ATG7: variants seen among roughly 807,000 people sequenced by gnomAD.
The protein encoded by ATG7 is ubiquitin-like modifier-activating enzyme ATG7.
Under a neutral mutation model 82.4 loss-of-function variants are expected in ATG7, and 70 were observed. That is an observed-to-expected ratio of 0.85 (90% confidence interval 0.70 to 1.04). ATG7 has a LOEUF of 1.04. Ranked by LOEUF, ATG7 falls within the 50% of genes least tolerant of loss-of-function variation. ATG7 has a pLI of 0.00. For missense variants in ATG7, 792 were observed against 864.3 expected, an observed-to-expected ratio of 0.92 and a Z score of 1.05; for synonymous variants, 287 against 313.0, an observed-to-expected ratio of 0.92 and a Z score of 0.88.
chr3:11,488,127 T>A lies in ATG7; in HGVS notation c.2079+61201T>A, dbSNP rs1481431068. 8.6e-3 allele frequency among the ~76,000 whole-genome samples: 263 copies of A among 30,408 alleles called. 4 individuals are homozygous for A. Among genetic ancestry groups the A allele is most frequent in the Non-Finnish European group, 0.014 (200 of 14,048 alleles). 19.9% of individuals were successfully genotyped at this position (30,408 alleles called of 152,430 possible). Reference sequence around the variant, plus strand: ...GGCGCTCCTCACTTCCTAGATGGGATGGCGGCCGGGCGGAGACGCTCCTCA... The same window carrying A: ...GGCGCTCCTCACTTCCTAGATGGGAAGGCGGCCGGGCGGAGACGCTCCTCA... On this transcript the variant is annotated intron_variant, in intron 20 of 20. Transcript: ENST00000693202.
chr3:11,307,143 G>A, intron 6 of ATG7, 83 bp downstream of exon 6: 1 of 1,301,234 alleles, frequency 7.7e-7, no homozygotes, highest in Non-Finnish European at 1.1e-6. Flanking sequence ...ACATGGGTCT[G>A]CTGCAGAAAC....
intron 14 of ATG7, among the ~76,000 whole-genome samples, chr3:11,353,068 A>G (rs1198516879): frequency 6.6e-6 from 1 of 152,256 alleles, no homozygotes; most frequent in Non-Finnish European, 1.5e-5. Flanking sequence ...AGTTATTGCA[A>G]GATTCTAATC....
chr3:11,482,091 T>C (rs1244945244), intron 20 of ATG7, among the ~76,000 whole-genome samples: 5 of 152,174 alleles, frequency 3.3e-5, no homozygotes, highest in African/African-American at 9.7e-5. Flanking sequence ...CTCTTCTCTC[T>C]CTCCTGATGC....
chr3:11,539,100 T>C (rs1160102552), intron 20 of ATG7, among the ~76,000 whole-genome samples: 1 of 151,274 alleles, frequency 6.6e-6, no homozygotes. Context: ...AACTGAGATT[T>C]TTTTTTTTCA....
At chr3:11,543,959 T>C (rs1331802289) in intron 20 of ATG7, among the ~76,000 whole-genome samples, 1 of 152,140 alleles carries the variant, frequency 6.6e-6, no homozygotes, top group Non-Finnish European at 1.5e-5. Flanking sequence ...CCCAAGTCCC[T>C]ACAGGGCATG....
chr3:11,328,435 A>G (rs768176399), intron 9 of ATG7, among the ~76,000 whole-genome samples: 1 of 152,180 alleles, frequency 6.6e-6, no homozygotes, highest in African/African-American at 2.4e-5. Flanking sequence ...AAGGATGACC[A>G]TATCTATGAA....
At chr3:11,389,089 A>G (rs2078558561) in intron 19 of ATG7, among the ~76,000 whole-genome samples, 1 of 151,948 alleles carries the variant, frequency 6.6e-6, no homozygotes, top group Non-Finnish European at 1.5e-5. Flanking sequence ...CTCTACTAAA[A>G]ATACAAAAAT....
chr3:11,309,059 G>T lies in ATG7; in HGVS notation c.409G>T (p.Ala137Ser). ...LLNKFLLLTF[A>S]DLKKYHFYYW... Reference sequence around the variant, plus strand: ...CAACAAGTTCCTCCTCTTGACATTTGCAGTAAGTAAATGGGCTCTCGGTTG... The same window carrying T: ...CAACAAGTTCCTCCTCTTGACATTTTCAGTAAGTAAATGGGCTCTCGGTTG... The change falls in exon 7 of 21, where the codon GCA becomes TCA. Residue 137 changes from alanine to serine, a missense_variant and splice_region_variant. Ala to Ser is a moderately conservative substitution (Grantham distance 99). Transcript: ENST00000693202. The T allele has an allele frequency of 6.2e-7, 1 of 1,612,774 alleles. No individual in the cohort carries two copies. Among genetic ancestry groups the T allele is most frequent in the Non-Finnish European group, 8.5e-7 (1 of 1,178,716 alleles).
the ATG7 span, among the ~76,000 whole-genome samples, chr3:11,573,248 A>C: frequency 1.9e-3 from 11 of 5,716 alleles, no homozygotes; most frequent in South Asian, 5.6e-3. Context: ...AGAAATAGAG[A>C]AAGAAAGAAA....
At chr3:11,393,481 A>T (rs2078978081) in intron 19 of ATG7, among the ~76,000 whole-genome samples, 1 of 152,186 alleles carries the variant, frequency 6.6e-6, no homozygotes, top group African/African-American at 2.4e-5. Flanking sequence ...AGAAATATTT[A>T]AAAATAAATT....
At chr3:11,507,208 G>A (rs1002332632) in intron 20 of ATG7, among the ~76,000 whole-genome samples, 3 of 152,150 alleles carry the variant, frequency 2.0e-5, no homozygotes, top group African/African-American at 7.2e-5. Context: ...CTTGAACCCA[G>A]GAGGCGGAAG....
chr3:11,559,772 G>A, downstream of ATG7, among the ~76,000 whole-genome samples: 1 of 152,186 alleles, frequency 6.6e-6, no homozygotes, highest in African/African-American at 2.4e-5. Flanking sequence ...ATCCTGTGGA[G>A]GACAGAGGGT....
intron 19 of ATG7, among the ~76,000 whole-genome samples, chr3:11,423,048 C>T (rs541537896): frequency 2.6e-5 from 4 of 152,246 alleles, no homozygotes; most frequent in African/African-American, 7.2e-5. Flanking sequence ...CATGAGCCAC[C>T]GGGCTTGGCC....
chr3:11,387,811 A>C (rs1252124664), intron 19 of ATG7, among the ~76,000 whole-genome samples: 1 of 152,190 alleles, frequency 6.6e-6, no homozygotes, highest in Non-Finnish European at 1.5e-5. Flanking sequence ...TCTACTAAAA[A>C]GGCAAAAAAT....
intron 20 of ATG7, among the ~76,000 whole-genome samples, chr3:11,448,916 T>C (rs1296595992): frequency 1.3e-5 from 2 of 152,270 alleles, no homozygotes; most frequent in East Asian, 3.9e-4. Flanking sequence ...CAGAGTAATA[T>C]ACTTAAACTG....
At chr3:11,462,086 C>G (rs2086364758) in intron 20 of ATG7, among the ~76,000 whole-genome samples, 1 of 151,878 alleles carries the variant, frequency 6.6e-6, no homozygotes, top group Admixed American at 6.6e-5. Flanking sequence ...CTCCAAATAA[C>G]TCGAGGATAT....
At chr3:11,365,365 A>G (rs1031045872) in intron 18 of ATG7, among the ~76,000 whole-genome samples, 3 of 152,206 alleles carry the variant, frequency 2.0e-5, no homozygotes, top group African/African-American at 7.2e-5. Flanking sequence ...AAAAGAATCC[A>G]AAGCATCATG....
intron 13 of ATG7, among the ~76,000 whole-genome samples, chr3:11,344,231 T>C (rs181062997): frequency 4.6e-5 from 7 of 152,326 alleles, no homozygotes; most frequent in African/African-American, 1.4e-4. Context: ...CCAACACTTA[T>C]ATCTTCCTTT....
At chr3:11,424,996 T>C (rs1233277981) in intron 19 of ATG7, among the ~76,000 whole-genome samples, 1 of 152,168 alleles carries the variant, frequency 6.6e-6, no homozygotes, top group Non-Finnish European at 1.5e-5. Flanking sequence ...TTTTGAAGAC[T>C]CTGTCACCCA....
Sources: gnomAD v4.1 joint callset for allele counts (sites outside exome capture counted in the v4.1 genomes callset) on GRCh38, gnomAD v4.1.1 for gene constraint, MANE v1.5 for transcripts, NCBI Gene and HGNC (gene_info 2026-07-23, HGNC 2026-07-21) for gene names.